The following ZNF207 variants were observed in gnomAD, a reference collection of about 807,000 sequenced individuals.
ZNF207 encodes zinc finger protein 207.
A neutral mutation model predicts 60.2 loss-of-function variants in ZNF207; 24 were observed. The observed-to-expected ratio is 0.40, with a 90% CI of 0.29 to 0.56. The LOEUF (loss-of-function observed/expected upper bound fraction) is 0.56. Among genes scored for constraint, ZNF207 ranks in the 20% least tolerant of loss-of-function variants. The probability of loss-of-function intolerance (pLI) is 0.49; values close to 1 mark genes in which losing one functional copy is unlikely to be tolerated. For synonymous variants in ZNF207, 236 were observed against 194.7 expected (o/e 1.21, Z -1.77); for missense variants, 452 against 636.6 (o/e 0.71, Z 3.12).
In ZNF207 at chr17:32,367,920, C is replaced by T. The variant is rs772049676; in HGVS notation, c.1070C>T (p.Ala357Val). Residue 357 changes from alanine (A) to valine (V), a missense_variant, in exon 10 of 12, where the codon GCT becomes GTT. This residue lies in a region of ZNF207 where 390 missense variants were observed against 461.4 expected (regional missense o/e 0.85). Coordinates refer to ENST00000394670, the MANE Select transcript of ZNF207 (RefSeq NM_001098507.2). ...ACTAGTACAACAAATAGTACTGCAG[C>T]TAAACCAGCGGCTTCAATAACAAGT... ...STTSTTNSTA[A>V]KPAASITSKP... 1.9e-6 allele frequency: 3 copies of T among 1,614,186 alleles called. No individual in the cohort carries two copies. Among genetic ancestry groups the T allele is most frequent in the Admixed American group, 3.3e-5 (2 of 60,026 alleles).
chr17:32,363,529 C>CTTTTTT lies in ZNF207; in HGVS notation c.670+568_670+573dup, dbSNP rs746944466. Among the ~76,000 whole-genome samples, 89 of 69,612 alleles carry CTTTTTT rather than the reference C, an allele frequency of 1.3e-3. 24 individuals carry two copies. Among genetic ancestry groups the CTTTTTT allele is most frequent in the African/African-American group, 2.5e-3 (47 of 18,482 alleles). 45.7% of individuals were successfully genotyped at this position (69,612 alleles called of 152,430 possible). A position where few individuals can be genotyped will look rare whatever the true frequency, so the allele number is the denominator to read the frequency against. On this transcript the variant is annotated intron_variant, in intron 7 of 11. Coordinates refer to ENST00000394670, the MANE Select transcript of ZNF207 (RefSeq NM_001098507.2). ...ACAAGTAATAGAGAAATCCAACAAA[C>CTTTTTT]TTTTTTTTTTTTTTTTTTTTTTTTT...
At chr17:32,355,934 A>G (rs1021914357) in intron 2 of ZNF207, among the ~76,000 whole-genome samples, 4 of 152,206 alleles carry the variant, frequency 2.6e-5, no homozygotes, top group East Asian at 1.9e-4. Flanking sequence ...TTGAAGAGAC[A>G]GGGAGAGGAA....
At chr17:32,362,689 AT>A (rs528960519) in intron 6 of ZNF207, 4,372 of 368,128 alleles carry the variant, frequency 0.012, 5 homozygotes, top group Middle Eastern at 0.018. Context: ...TTTTGTCAAC[AT>A]TTTTTTTTTA....
At chr17:32,364,792 C>T (rs1905086801) in intron 7 of ZNF207, among the ~76,000 whole-genome samples, 1 of 152,150 alleles carries the variant, frequency 6.6e-6, no homozygotes, top group African/African-American at 2.4e-5. Flanking sequence ...GTTCCATATA[C>T]ATTATGTTGT....
rs923911040 is a variant in ZNF207 at position 32,369,980 on chromosome 17, C to T, written c.*221C>T. 5 of 420,464 alleles carry T rather than the reference C, an allele frequency of 1.2e-5. No homozygotes were observed. The highest frequency in any genetic ancestry group is 1.0e-4 in the African/African-American group (5 of 48,812). 26.0% of individuals were successfully genotyped at this position (420,464 alleles called of 1,614,324 possible). Reference sequence around the variant, plus strand: ...AGTTGCAATTTATACTGTATGGCTTCTTTTTCATGTTTCATCTAGGTTTTT... The same window carrying T: ...AGTTGCAATTTATACTGTATGGCTTTTTTTTCATGTTTCATCTAGGTTTTT... On this transcript the variant is annotated 3_prime_UTR_variant, in exon 12 of 12. Transcript: ENST00000394670.
rs571551327 is a variant in ZNF207, at chr17:32,363,232, C to T, written c.670+248C>T. Among the ~76,000 whole-genome samples, 189 of 152,100 alleles carry T rather than the reference C, an allele frequency of 1.2e-3. 1 individual carries two copies. The highest frequency in any genetic ancestry group is 1.8e-3 in the Admixed American group (27 of 15,276). Reference sequence around the variant, plus strand: ...CCTCCTGAGTAGCTGGGATTACAGGCGCCTGCTACCACACCTGGCTAATTT... The same window carrying T: ...CCTCCTGAGTAGCTGGGATTACAGGTGCCTGCTACCACACCTGGCTAATTT... On this transcript the variant is annotated intron_variant, in intron 7 of 11. Coordinates refer to ENST00000394670, the MANE Select transcript of ZNF207 (RefSeq NM_001098507.2).
At chr17:32,360,839 C>T in intron 4 of ZNF207, 53 bp from the exon 5 acceptor site, 14 of 1,611,994 alleles carry the variant, frequency 8.7e-6, no homozygotes, top group Non-Finnish European at 1.2e-5. Flanking sequence ...TTACTTTCTT[C>T]CCTCTAACTC....
Position 32,358,614 on chromosome 17 carries a change from C to A in ZNF207, c.280C>A (p.Arg94=), listed in dbSNP as rs773372968. 1 of 1,526,522 alleles carries A rather than the reference C, an allele frequency of 6.6e-7. No homozygotes were observed. The highest frequency in any genetic ancestry group is 8.7e-7 in the Non-Finnish European group (1 of 1,145,410). The allele number at this position is 1,526,522 out of a possible 1,614,324, so 94.6% of individuals were successfully genotyped here. Residue 94 remains arginine (R), a synonymous_variant, in exon 3 of 12, where the codon CGA becomes AGA. Coordinates refer to ENST00000394670, the MANE Select transcript of ZNF207 (RefSeq NM_001098507.2). ...GIPEKDMDER[R]RLLEQKTQES... is the part of the protein sequence containing the mutation. Reference sequence around the variant, plus strand: ...TCCAGAAAAAGACATGGATGAAAGACGACGACTTCTTGAACAGAAAACACA... The same window carrying A: ...TCCAGAAAAAGACATGGATGAAAGAAGACGACTTCTTGAACAGAAAACACA...
In ZNF207 at chr17:32,368,301, A is replaced by AT. The variant is rs1905292713; in HGVS notation, c.1164+288dup. 4.3e-5 allele frequency: 17 copies of AT among 393,926 alleles called. No individual in the cohort carries two copies. In the South Asian group the frequency reaches 5.9e-4, roughly 14 times the overall value. 24.4% of individuals were successfully genotyped at this position (393,926 alleles called of 1,614,324 possible). A position where few individuals can be genotyped will look rare whatever the true frequency, so the allele number is the denominator to read the frequency against. Reference sequence around the variant, plus strand: ...CTCTTAAAAATCATTTTAGTTAAACATAAGTTTGCATATGTTAATTGAATA... The same window carrying AT: ...CTCTTAAAAATCATTTTAGTTAAACATTAAGTTTGCATATGTTAATTGAATA... On this transcript the variant is annotated intron_variant, in intron 10 of 11. Coordinates refer to ENST00000394670, the MANE Select transcript of ZNF207 (RefSeq NM_001098507.2).
intron 7 of ZNF207, among the ~76,000 whole-genome samples, chr17:32,365,025 A>G (rs1905096508): frequency 6.6e-6 from 1 of 152,240 alleles, no homozygotes; most frequent in African/African-American, 2.4e-5. Flanking sequence ...CTTGTAGCTG[A>G]TTGAAATAAT....
chr17:32,378,525 C>T lies in ZNF207; in HGVS notation c.*8766C>T, dbSNP rs1410903801. ...TTTGTTCTTTTTTTGTAAACTATAA[C>T]GTATCCCGTTGGTGTACCAGTGAGT... On this transcript the variant is annotated 3_prime_UTR_variant, in exon 12 of 12. Transcript: ENST00000394670. 2 of 151,872 alleles carry T rather than the reference C, an allele frequency of 1.3e-5. No homozygotes were observed. Among genetic ancestry groups the T allele is most frequent in the Admixed American group, 6.6e-5 (1 of 15,236 alleles). 9.4% of individuals were successfully genotyped at this position (151,872 alleles called of 1,614,324 possible). A position where few individuals can be genotyped will look rare whatever the true frequency, so the allele number is the denominator to read the frequency against.
chr17:32,367,286 A>ATATATAT (rs1905245956), intron 9 of ZNF207, among the ~76,000 whole-genome samples: 16 of 43,348 alleles, frequency 3.7e-4, no homozygotes, highest in African/African-American at 6.0e-4. Context: ...TATATATATA[A>ATATATAT]AGAATACTAC....
At chr17:32,357,345 A>ATTTTTTTTTTT (rs1232093255) in intron 2 of ZNF207, among the ~76,000 whole-genome samples, 6 of 65,004 alleles carry the variant, frequency 9.2e-5, no homozygotes, top group African/African-American at 5.3e-4. Context: ...TATTATTATT[A>ATTTTTTTTTTT]TTATTATTTT....
rs142781278 is a variant in ZNF207 at position 32,369,415 on chromosome 17, C to T, written c.1285C>T (p.Pro429Ser). The T allele has an allele frequency of 9.7e-5, 157 of 1,613,996 alleles. No homozygotes were observed. The highest frequency in any genetic ancestry group is 1.2e-4 in the Non-Finnish European group (141 of 1,180,046). Residue 429 changes from proline to serine, a missense_variant, in exon 11 of 12, where the codon CCA (proline) becomes TCA (serine). Coordinates refer to ENST00000394670, the MANE Select transcript of ZNF207 (RefSeq NM_001098507.2). ...TATGATGCCACCACAGCCAGGCATC[C>T]CACAGCAACAAGGAATGAGACCCCC... The part of the protein sequence containing the change: ...GGMMPPQPGI[P>S]QQQGMRPPMP...
At chr17:32,366,586 A>G (rs1905173198) in intron 8 of ZNF207, 79 bp from the exon 9 acceptor site, 3 of 1,182,740 alleles carry the variant, frequency 2.5e-6, no homozygotes, top group Admixed American at 2.8e-5. Flanking sequence ...TATGCAATCT[A>G]CTAAAAAGTC....
Position 32,376,710 on chromosome 17 carries a change from G to A in ZNF207, c.*6951G>A, listed in dbSNP as rs919811270. ...AATTAGATGGAAACTTTGATGGTTA[G>A]GTTCTTTAAGAGGCATACAATCCGT... is the stretch of plus-strand genomic sequence containing the variant. On this transcript the variant is annotated 3_prime_UTR_variant, in exon 12 of 12. Transcript: ENST00000394670. 1 of 152,004 alleles carries A rather than the reference G, an allele frequency of 6.6e-6. No homozygotes were observed. The highest frequency in any genetic ancestry group is 1.5e-5 in the Non-Finnish European group (1 of 67,916). 9.4% of individuals were successfully genotyped at this position (152,004 alleles called of 1,614,324 possible). A position where few individuals can be genotyped will look rare whatever the true frequency, so the allele number is the denominator to read the frequency against.
chr17:32,373,650 T>C lies in ZNF207; in HGVS notation c.*3891T>C. On this transcript the variant is annotated 3_prime_UTR_variant, in exon 12 of 12. Transcript: ENST00000394670. ...TGTGGTGTTAATAAACATAAGTATT[T>C]CATATGCAATTTTATGTAATTTGCT... The C allele has an allele frequency of 2.6e-6, 1 of 380,948 alleles. No homozygotes were observed. Among genetic ancestry groups the C allele is most frequent in the Middle Eastern group, 6.8e-4 (1 of 1,480 alleles). The allele number at this position is 380,948 out of a possible 1,614,324, so 23.6% of individuals were successfully genotyped here.
At chr17:32,364,723 T>G (rs977803300) in intron 7 of ZNF207, among the ~76,000 whole-genome samples, 1 of 152,218 alleles carries the variant, frequency 6.6e-6, no homozygotes, top group Non-Finnish European at 1.5e-5. Context: ...AAATGATAGT[T>G]GATGTAAATG....
Position 32,362,996 on chromosome 17 carries a change from AT to A in ZNF207, c.670+13del. 2 of 1,610,838 alleles carry A rather than the reference AT, an allele frequency of 1.2e-6. No individual in the cohort carries two copies. The highest frequency in any genetic ancestry group is 1.7e-6 in the Non-Finnish European group (2 of 1,178,372). ...TGGAATGCCACCAGGTATATGTTAG[AT>A]AATTTCATTTTAATATGATGTACAG... On this transcript the variant is annotated intron_variant, in intron 7 of 11. Transcript: ENST00000394670.
Sources: allele counts gnomAD v4.1 joint callset (sites outside exome capture counted in the v4.1 genomes callset), GRCh38; gene constraint gnomAD v4.1.1; regional missense constraint gnomAD v4.1.1; transcripts MANE v1.5; gene names NCBI Gene and HGNC (gene_info 2026-07-23, HGNC 2026-07-21).